CC2D1A: variants seen among roughly 807,000 people sequenced by gnomAD.
CC2D1A encodes coiled-coil and C2 domain-containing protein 1A.
Under a neutral mutation model 123.8 loss-of-function variants are expected in CC2D1A, and 68 were observed. The ratio of observed to expected loss-of-function variants is 0.55; its 90% CI spans 0.45 to 0.67. The LOEUF (loss-of-function observed/expected upper bound fraction) is 0.67, where lower values mean the gene tolerates loss of function less well. Ranked by LOEUF, CC2D1A falls within the 30% of genes least tolerant of loss-of-function variation. The probability of loss-of-function intolerance (pLI) is 0.00; values close to 1 mark genes in which losing one functional copy is unlikely to be tolerated. For synonymous variants in CC2D1A, 477 were observed against 528.0 expected (o/e 0.90, Z 1.32); for missense variants, 1,185 against 1,290.3 (o/e 0.92, Z 1.25).
chr19:13,907,812 C>CA (rs1970832486), intron 1 of CC2D1A, among the ~76,000 whole-genome samples: 1 of 152,070 alleles, frequency 6.6e-6, no homozygotes. Context: ...ACATAGCACT[C>CA]AATAAATGTT....
chr19:13,930,561 T>C lies in CC2D1A; in HGVS notation c.*166T>C. The C allele has an allele frequency of 2.7e-6, 2 of 749,770 alleles. No individual in the cohort carries two copies. Among genetic ancestry groups the C allele is most frequent in the South Asian group, 1.9e-5 (1 of 53,662 alleles). The allele number at this position is 749,770 out of a possible 1,614,324, so 46.4% of individuals were successfully genotyped here. A position where few individuals can be genotyped will look rare whatever the true frequency, so the allele number is the denominator to read the frequency against. ...CCGCCAGAGCCTCCGTGGCTGCGGG[T>C]GTTGGGAACCATGCCTGCCAGCCAG... is the stretch of plus-strand genomic sequence containing the variant. On this transcript the variant is annotated 3_prime_UTR_variant, in exon 29 of 29. Transcript: ENST00000318003. The surrounding 1 kb of genome is among the most constrained non-coding windows in gnomAD (Gnocchi z 6.8).
chr19:13,911,773 T>C (rs556422731), intron 2 of CC2D1A, among the ~76,000 whole-genome samples: 1 of 142,986 alleles, frequency 7.0e-6, no homozygotes, highest in African/African-American at 2.7e-5. Context: ...TGGAGTACAG[T>C]GGCGCGATCT....
In CC2D1A at chr19:13,923,441, C is replaced by A; in HGVS notation, c.1750C>A (p.Arg584=). Residue 584 remains arginine, a synonymous_variant, in exon 15 of 29, where the codon CGG becomes AGG. Transcript: ENST00000318003. The surrounding 1 kb of genome is among the most constrained non-coding windows in gnomAD (Gnocchi z 5.3). ...CTATGGTGAACTCACCAAGCTCATA[C>A]GGCAGCAGCACGAGGTGAGGGGGAG... The part of the protein sequence containing the change: ...RRYGELTKLI[R]QQHEMCLNHS... 4 of 1,613,996 alleles carry A rather than the reference C, an allele frequency of 2.5e-6. No individual in the cohort carries two copies. The highest frequency in any genetic ancestry group is 1.6e-4 in the Middle Eastern group (1 of 6,062).
chr19:13,923,580 G>T lies in CC2D1A; in HGVS notation c.1797G>T (p.Gln599His), dbSNP rs1971486102. ...MCLNHSNQFT[Q>H]LGNITETTKF... is the part of the protein sequence containing the mutation. Reference sequence around the variant, plus strand: ...TGAACCACTCAAACCAATTCACCCAGCTGGGCAACATCACTGAAACCACCA... The same window carrying T: ...TGAACCACTCAAACCAATTCACCCATCTGGGCAACATCACTGAAACCACCA... Residue 599 changes from glutamine (Q) to histidine (H), a missense_variant, in exon 16 of 29, where the codon CAG (glutamine) becomes CAT (histidine). By Grantham distance (24) the Gln-to-His change is conservative. Coordinates refer to ENST00000318003, the MANE Select transcript of CC2D1A (RefSeq NM_017721.5). This position sits in a 1 kb window ranked among gnomAD's most constrained non-coding sequence, Gnocchi z 5.3. 1.2e-6 allele frequency: 2 copies of T among 1,613,980 alleles called. No individual in the cohort carries two copies. The highest frequency in any genetic ancestry group is 8.5e-7 in the Non-Finnish European group (1 of 1,180,022).
chr19:13,930,327 T>TG lies in CC2D1A; in HGVS notation c.2835+39dup, dbSNP rs998634426. 2 of 1,613,700 alleles carry TG rather than the reference T, an allele frequency of 1.2e-6. No individual in the cohort carries two copies. Among genetic ancestry groups the TG allele is most frequent in the African/African-American group, 1.3e-5 (1 of 74,876 alleles). On this transcript the variant is annotated intron_variant, in intron 28 of 28. Transcript: ENST00000318003. The surrounding 1 kb of genome is among the most constrained non-coding windows in gnomAD (Gnocchi z 6.8). ...GGAGATGGGGTGGTTGGGGGATCAC[T>TG]GTGGTCGTAGCCCACCTCCATGACC... is the stretch of plus-strand genomic sequence containing the variant.
chr19:13,912,507 C>T, intron 3 of CC2D1A, 21 bp from the exon 4 acceptor site: 1 of 1,614,090 alleles, frequency 6.2e-7, no homozygotes, highest in East Asian at 2.2e-5. Flanking sequence ...TATATCCTGC[C>T]CTGGCTGTGT....
chr19:13,919,334 T>TGGGGAGTAATAGCATC, intron 11 of CC2D1A, 132 bp downstream of exon 11: 1 of 672,486 alleles, frequency 1.5e-6, no homozygotes, highest in Non-Finnish European at 2.5e-6. Context: ...GCAGATGCTA[T>TGGGGAGTAATAGCATC]TACTCCCCAT....
rs1479359673 is a variant in CC2D1A, at chr19:13,909,864, C to G, written c.102C>G (p.Ile34Met). ...ACCTCTCCCCAGATGGCCTGATGAT[C>G]CCTGAGGACGGGGCTAACGATGAAG... ...LVDLSPDGLM[I>M]PEDGANDEEL... Residue 34 changes from isoleucine (I) to methionine (M), a missense_variant, in exon 2 of 29, where the codon ATC becomes ATG. By Grantham distance (10) the Ile-to-Met change is conservative. Coordinates refer to ENST00000318003, the MANE Select transcript of CC2D1A (RefSeq NM_017721.5). The G allele has an allele frequency of 7.0e-6, 11 of 1,579,692 alleles. No individual in the cohort carries two copies. The highest frequency in any genetic ancestry group is 6.9e-6 in the Non-Finnish European group (8 of 1,160,088).
At chr19:13,924,075 G>C (rs986931644) in intron 17 of CC2D1A, among the ~76,000 whole-genome samples, 1 of 152,208 alleles carries the variant, frequency 6.6e-6, no homozygotes, top group Non-Finnish European at 1.5e-5. Context: ...GTGAGTCCAC[G>C]GGGGACCAGA....
rs1971846202 is a variant in CC2D1A at position 13,930,144 on chromosome 19, A to T, written c.2777A>T (p.Asp926Val). 6.2e-7 allele frequency: 1 copy of T among 1,613,090 alleles called. No homozygotes were observed. The highest frequency in any genetic ancestry group is 1.7e-5 in the Admixed American group (1 of 59,960). The change falls in exon 27 of 29, where the codon GAT (aspartate) becomes GTT (valine). Residue 926 changes from aspartate to valine, a missense_variant. By Grantham distance (152) the Asp-to-Val change is radical. Transcript: ENST00000318003. The surrounding 1 kb of genome is among the most constrained non-coding windows in gnomAD (Gnocchi z 6.8). ...GAGGCTGCCCGGCGCCTGGGCAACG[A>T]TGGCAGCAGGGTGAGCTGGTCGCGG... The part of the protein sequence containing the change: ...YTEAARRLGN[D>V]GSRDAAKEAL...
chr19:13,918,186 G>A lies in CC2D1A; in HGVS notation c.865G>A (p.Val289Met), dbSNP rs368763604. The A allele has an allele frequency of 2.5e-5, 40 of 1,586,826 alleles. No individual in the cohort carries two copies. In the African/African-American group the frequency reaches 3.2e-4, roughly 13 times the overall value. The change falls in exon 7 of 29, where the codon GTG becomes ATG. Residue 289 changes from valine to methionine, a missense_variant. Physicochemically the swap from Val to Met is conservative, Grantham distance 21. Transcript: ENST00000318003. ...CACTGCTGCCGCTAGACACTTCCGC[G>A]TGGCTAAGGTGCGTCCAGCCTGACG... ...DTTAAARHFR[V>M]AKSFDAVLEA...
Position 13,916,962 on chromosome 19 carries a change from A to G in CC2D1A, c.749-1108A>G, listed in dbSNP as rs1011532450. 2.6e-5 allele frequency among the ~76,000 whole-genome samples: 4 copies of G among 152,300 alleles called. No homozygotes were observed. In the South Asian group the frequency reaches 8.3e-4, roughly 32 times the overall value. On this transcript the variant is annotated intron_variant, in intron 6 of 28. Transcript: ENST00000318003. ...AGCATATTATTTGAAACTGTAACTA[A>G]CACACTGTTTAAAAAGCACTGAATA...
At chr19:13,929,247 C>T in intron 24 of CC2D1A, 132 bp from the exon 25 acceptor site, 1 of 865,056 alleles carries the variant, frequency 1.2e-6, no homozygotes, top group East Asian at 2.5e-5. Context: ...CCTCATGATC[C>T]ACTCACCTCC....
intron 4 of CC2D1A, 106 bp downstream of exon 4, chr19:13,912,699 C>G: frequency 8.5e-7 from 1 of 1,171,750 alleles, no homozygotes; most frequent in Non-Finnish European, 1.2e-6. Context: ...GTCACCCAGG[C>G]TGGAGTGCAG....
At chr19:13,910,240 T>C (rs1185837990) in intron 2 of CC2D1A, among the ~76,000 whole-genome samples, 1 of 117,080 alleles carries the variant, frequency 8.5e-6, no homozygotes, top group South Asian at 2.6e-4. Flanking sequence ...CTACTAAAAA[T>C]ACAAAAAAAA....
At chr19:13,916,809 G>T (rs1046352003) in intron 6 of CC2D1A, among the ~76,000 whole-genome samples, 1 of 152,092 alleles carries the variant, frequency 6.6e-6, no homozygotes. Flanking sequence ...AAGATACTGC[G>T]TGCCATTTTC....
At chr19:13,912,257 C>T in intron 2 of CC2D1A, 66 bp from the exon 3 acceptor site, 1 of 1,495,566 alleles carries the variant, frequency 6.7e-7, no homozygotes. Flanking sequence ...CTAGCGTGTC[C>T]AGGATGGGAA....
At chr19:13,927,672 G>A (rs1253095834) in intron 22 of CC2D1A, 18 of 556,050 alleles carry the variant, frequency 3.2e-5, no homozygotes, top group Middle Eastern at 5.0e-4. Context: ...CAGCTACTCG[G>A]GAGGCTGAGG....
rs116017016 is a variant in CC2D1A, at chr19:13,921,888, C to T, written c.1641+966C>T. Among the ~76,000 whole-genome samples, 503 of 152,292 alleles carry T rather than the reference C, an allele frequency of 3.3e-3. 2 individuals carry two copies. Among genetic ancestry groups the T allele is most frequent in the African/African-American group, 0.012 (485 of 41,566 alleles). On this transcript the variant is annotated intron_variant, in intron 14 of 28. Coordinates refer to ENST00000318003, the MANE Select transcript of CC2D1A (RefSeq NM_017721.5). ...GACTCACTGTCATGGAGTGGATGTT[C>T]TAATTGAGAGACCACAAGAAACACA...
Sources: allele counts gnomAD v4.1 joint callset (sites outside exome capture counted in the v4.1 genomes callset), GRCh38; gene constraint gnomAD v4.1.1; non-coding constraint Gnocchi (gnomAD v3.1); transcripts MANE v1.5; gene names NCBI Gene and HGNC (gene_info 2026-07-23, HGNC 2026-07-21).